RNF213: variants seen among roughly 807,000 people sequenced by gnomAD.
The protein encoded by RNF213 is E3 ubiquitin-protein ligase RNF213.
A neutral mutation model predicts 514.4 loss-of-function variants in RNF213; 341 were observed. That is an observed-to-expected ratio of 0.66 (90% confidence interval 0.61 to 0.73). The LOEUF (loss-of-function observed/expected upper bound fraction) is 0.73, where lower values mean the gene tolerates loss of function less well. Among genes scored for constraint, RNF213 ranks in the 30% least tolerant of loss-of-function variants. The pLI, the probability that RNF213 is intolerant of heterozygous loss-of-function variation, is 0.00. For missense variants in RNF213, 5,767 were observed against 6,615.6 expected (o/e 0.87, Z 4.45); for synonymous variants, 2,655 against 2,658.2 (o/e 1.00, Z 0.04).
chr17:80,292,899 G>C (rs936111196), intron 8 of RNF213, among the ~76,000 whole-genome samples: 2 of 152,010 alleles, frequency 1.3e-5, no homozygotes, highest in Non-Finnish European at 2.9e-5. Flanking sequence ...CCTGGTGTCC[G>C]GTGTCTTGGA....
At chr17:80,283,946 A>G (rs759025644) in intron 3 of RNF213, among the ~76,000 whole-genome samples, 73 of 152,328 alleles carry the variant, frequency 4.8e-4, no homozygotes, top group Admixed American at 3.3e-4. Flanking sequence ...GGTAATGGCC[A>G]GGCACAGTGG....
At position 80,369,414 on chromosome 17, in the gene RNF213, A is replaced by T. The variant is rs982810133; in HGVS notation, c.12156-88A>T. 2.3e-6 allele frequency: 3 copies of T among 1,278,526 alleles called. No homozygotes were observed. In the Admixed American group the frequency reaches 5.5e-5, roughly 23 times the overall value. The allele number at this position is 1,278,526 out of a possible 1,614,324, so 79.2% of individuals were successfully genotyped here. On this transcript the variant is annotated intron_variant, in intron 44 of 67. Transcript: ENST00000582970. ...ACTCCGTCTCAAAAAAAAAAAAAAA[A>T]GTGAAATGCTGTGCAAATCTCAAGT...
chr17:80,391,520 C>T (rs2080470724), intron 67 of RNF213, among the ~76,000 whole-genome samples: 1 of 151,684 alleles, frequency 6.6e-6, no homozygotes. Flanking sequence ...GATTCACAAG[C>T]TTTGGCCACC....
At chr17:80,308,057 A>T (rs918134349) in intron 13 of RNF213, among the ~76,000 whole-genome samples, 1 of 152,054 alleles carries the variant, frequency 6.6e-6, no homozygotes, top group African/African-American at 2.4e-5. Flanking sequence ...TTATATAATT[A>T]TCCAAAATCA....
chr17:80,350,445 T>C (rs1411501111), intron 31 of RNF213, 49 bp downstream of exon 31: 3 of 1,174,764 alleles, frequency 2.6e-6, no homozygotes, highest in East Asian at 2.3e-5. Context: ...ACCCAAAACG[T>C]AGGAAGTCCT....
chr17:80,332,182 ATCTTCCAGC>A lies in RNF213; in HGVS notation c.3700_3708del (p.Gln1234_Phe1236del). 6.5e-7 allele frequency: 1 copy of A among 1,537,204 alleles called. No individual in the cohort carries two copies. Among genetic ancestry groups the A allele is most frequent in the Non-Finnish European group, 8.7e-7 (1 of 1,146,926 alleles). On this transcript the variant is annotated inframe_deletion, in exon 21 of 68. Coordinates refer to ENST00000582970, the MANE Select transcript of RNF213 (RefSeq NM_001256071.3). ...GATAGACTTGCTCAGAGACAGCCAC[ATCTTCCAGC>A]TCTTCTGGCGGGAAGCCGCAGAGCC...
In RNF213 at chr17:80,317,284, A is replaced by G. The variant is rs2045979529; in HGVS notation, c.2901+7A>G. On this transcript the variant is annotated splice_region_variant and intron_variant, in intron 16 of 67. Coordinates refer to ENST00000582970, the MANE Select transcript of RNF213 (RefSeq NM_001256071.3). This position sits in a 1 kb window ranked among gnomAD's most constrained non-coding sequence, Gnocchi z 4.1. The stretch of plus-strand genomic sequence containing the variant: ...GGAATGGAGGCTCACAAAGGTACCA[A>G]AAGTTTGGGGGCAGTCTTTTCAGGG... The G allele has an allele frequency of 6.2e-7, 1 of 1,611,518 alleles. No individual in the cohort carries two copies. The highest frequency in any genetic ancestry group is 1.3e-5 in the African/African-American group (1 of 74,874).
intron 17 of RNF213, chr17:80,319,529 A>C (rs374838781): frequency 1.3e-5 from 21 of 1,612,728 alleles, no homozygotes; most frequent in Non-Finnish European, 1.7e-5. Flanking sequence ...TGCTCGCACC[A>C]TCCTGCATGT....
intron 59 of RNF213, 57 bp downstream of exon 59, chr17:80,383,985 C>T: frequency 6.2e-7 from 1 of 1,603,358 alleles, no homozygotes; most frequent in Non-Finnish European, 8.5e-7. Flanking sequence ...CCCCAGCAGG[C>T]CTGAAGGCCC....
chr17:80,356,567 G>C (rs1332916763), intron 36 of RNF213, among the ~76,000 whole-genome samples: 1 of 152,228 alleles, frequency 6.6e-6, no homozygotes, highest in East Asian at 1.9e-4. Context: ...GCCCTCTCGG[G>C]ATTAAACAGC....
In RNF213 at chr17:80,340,090, C is replaced by T. The variant is rs771138220; in HGVS notation, c.5723C>T (p.Ala1908Val). ...DQLSYEVARQ[A>V]EELFHNLCTQ... ...CTGAGCTACGAGGTGGCACGCCAAG[C>T]GGAGGAGCTTTTCCACAATCTGTGC... Residue 1908 changes from alanine to valine, a missense_variant, in exon 26 of 68, where the codon GCG becomes GTG. Around this residue, in one of 13 missense-constraint regions of RNF213, gnomAD observed 1,377 missense variants for 1,635.2 expected, o/e 0.84. Coordinates refer to ENST00000582970, the MANE Select transcript of RNF213 (RefSeq NM_001256071.3). 14 of 1,605,830 alleles carry T rather than the reference C, an allele frequency of 8.7e-6. No homozygotes were observed. The highest frequency in any genetic ancestry group is 2.2e-5 in the East Asian group (1 of 44,520).
intron 2 of RNF213, among the ~76,000 whole-genome samples, chr17:80,267,055 A>G (rs1250752142): frequency 6.6e-6 from 1 of 152,056 alleles, no homozygotes; most frequent in African/African-American, 2.4e-5. Flanking sequence ...CGTCTCTACT[A>G]AAAATGCAAA....
Position 80,263,860 on chromosome 17 carries a change from C to T in RNF213, c.97+82C>T. 1.6e-6 allele frequency: 2 copies of T among 1,246,868 alleles called. No individual in the cohort carries two copies. Among genetic ancestry groups the T allele is most frequent in the South Asian group, 1.2e-5 (1 of 82,686 alleles). 77.2% of individuals were successfully genotyped at this position (1,246,868 alleles called of 1,614,324 possible). On this transcript the variant is annotated intron_variant, in intron 2 of 67. Transcript: ENST00000582970. This position sits in a 1 kb window ranked among gnomAD's most constrained non-coding sequence, Gnocchi z 4.9. ...CACCTCCCTTCCAGGAAATGGAAACCCTGGGCAGCAGGCAGCTCAGGTGGG... is the reference window on the plus strand; with the variant it reads ...CACCTCCCTTCCAGGAAATGGAAACTCTGGGCAGCAGGCAGCTCAGGTGGG...
chr17:80,340,301 C>G lies in RNF213; in HGVS notation c.5934C>G (p.Ala1978=), dbSNP rs759692190. 1.2e-6 allele frequency: 2 copies of G among 1,613,688 alleles called. No individual in the cohort carries two copies. The highest frequency in any genetic ancestry group is 1.7e-6 in the Non-Finnish European group (2 of 1,179,992). The change falls in exon 26 of 68, where the codon GCC becomes GCG. Residue 1978 remains alanine, a synonymous_variant. Transcript: ENST00000582970. ...RVPKQTLSAA[A]VFNDRLCVGI... The stretch of plus-strand genomic sequence containing the variant: ...CGAAGCAGACCCTGTCGGCGGCAGC[C>G]GTGTTCAATGACCGGCTGTGTGTTG...
intron 3 of RNF213, 146 bp from the exon 4 acceptor site, chr17:80,287,669 A>T (rs1284983603): frequency 1.2e-5 from 8 of 655,432 alleles, no homozygotes; most frequent in Non-Finnish European, 2.1e-5. Context: ...CATTCTTTCC[A>T]GGAAATTGCA....
rs373887772 is a variant in RNF213, at chr17:80,346,471, G to A, written c.8136G>A (p.Pro2712=). The change falls in exon 29 of 68, where the codon CCG becomes CCA. Residue 2712 remains proline (P), a synonymous_variant. Transcript: ENST00000582970. The surrounding 1 kb of genome is among the most constrained non-coding windows in gnomAD (Gnocchi z 8.1). The stretch of plus-strand genomic sequence containing the variant: ...GGAAAGCCATCGCCAGGTTCTTTCC[G>A]AAACCGTATGACGACAGCAGGCTGC... ...SYRKAIARFF[P]KPYDDSRLLL... 8.3e-5 allele frequency: 134 copies of A among 1,613,746 alleles called. No homozygotes were observed. The highest frequency in any genetic ancestry group is 1.0e-4 in the Non-Finnish European group (121 of 1,180,046).
chr17:80,298,428 G>A lies in RNF213; in HGVS notation c.2120G>A (p.Arg707Gln), dbSNP rs528617428. 1.0e-4 allele frequency: 162 copies of A among 1,614,184 alleles called. No individual in the cohort carries two copies. The South Asian group carries it at 1.0e-3, about 10-fold the overall frequency. The change falls in exon 11 of 68, where the codon CGG becomes CAG. Residue 707 changes from arginine to glutamine, a missense_variant. Coordinates refer to ENST00000582970, the MANE Select transcript of RNF213 (RefSeq NM_001256071.3). ...CACTGCTGTATGGAGCTGGCCCCGC[G>A]GCACAAGGATGCCTGGAGACAGCCT... Reference protein sequence around the residue: ...VLHCCMELAPRHKDAWRQPED... With the variant: ...VLHCCMELAPQHKDAWRQPED...
chr17:80,397,714 G>T lies in RNF213; in HGVS notation c.*4216G>T, dbSNP rs1353089082. 3 of 151,670 alleles carry T rather than the reference G, an allele frequency of 2.0e-5. No individual in the cohort carries two copies. Among genetic ancestry groups the T allele is most frequent in the Admixed American group, 6.6e-5 (1 of 15,196 alleles). 9.4% of individuals were successfully genotyped at this position (151,670 alleles called of 1,614,324 possible). ...TTGGAGACATGAGTCTTGCCGAAGC[G>T]CCCGGCTGAATAAAGCCCTTCTTTA... On this transcript the variant is annotated 3_prime_UTR_variant, in exon 68 of 68. Coordinates refer to ENST00000582970, the MANE Select transcript of RNF213 (RefSeq NM_001256071.3).
At chr17:80,274,584 C>G (rs1239032972) in intron 3 of RNF213, among the ~76,000 whole-genome samples, 6 of 26,838 alleles carry the variant, frequency 2.2e-4, no homozygotes, top group East Asian at 9.5e-4. Flanking sequence ...GTGCTGTGGT[C>G]TGTGGGGGGT....
Sources: gnomAD v4.1 joint callset for allele counts (sites outside exome capture counted in the v4.1 genomes callset) on GRCh38, gnomAD v4.1.1 for gene constraint, gnomAD v4.1.1 regional missense constraint, Gnocchi (gnomAD v3.1) non-coding constraint, MANE v1.5 for transcripts, NCBI Gene and HGNC (gene_info 2026-07-23, HGNC 2026-07-21) for gene names.